The following CLIP2 variants were observed in gnomAD, a reference collection of about 807,000 sequenced individuals.
CLIP2 encodes the protein CAP-Gly domain containing linker protein 2.
Under a neutral mutation model 111.7 loss-of-function variants are expected in CLIP2, and 41 were observed. The observed-to-expected ratio is 0.37, with a 90% CI of 0.29 to 0.48. CLIP2 has a LOEUF of 0.48. Ranked by LOEUF, CLIP2 falls within the 20% of genes least tolerant of loss-of-function variation. The probability of loss-of-function intolerance (pLI) is 0.99; values close to 1 mark genes in which losing one functional copy is unlikely to be tolerated. For missense variants in CLIP2, 1,160 were observed against 1,422.1 expected, an observed-to-expected ratio of 0.82 and a Z score of 2.96; for synonymous variants, 660 against 644.2, an observed-to-expected ratio of 1.02 and a Z score of -0.37.
At chr7:74,390,773 C>T (rs1469909953) in intron 13 of CLIP2, among the ~76,000 whole-genome samples, 2 of 74,108 alleles carry the variant, frequency 2.7e-5, no homozygotes, top group African/African-American at 1.0e-4. Context: ...GGGGACTGGG[C>T]GGGGTGGCTT....
intron 3 of CLIP2, among the ~76,000 whole-genome samples, chr7:74,349,448 G>C (rs1381143213): frequency 7.4e-5 from 1 of 13,602 alleles, no homozygotes; most frequent in Non-Finnish European, 3.0e-4. Flanking sequence ...AAAAAAAAAA[G>C]TATGTATGTG....
chr7:74,344,126 C>T (rs1789739740), intron 3 of CLIP2, among the ~76,000 whole-genome samples: 1 of 152,102 alleles, frequency 6.6e-6, no homozygotes, highest in African/African-American at 2.4e-5. Flanking sequence ...TCCCGCCTGG[C>T]ATTCCCTCTG....
At chr7:74,303,611 T>C (rs2116464001) in intron 1 of CLIP2, among the ~76,000 whole-genome samples, 1 of 151,074 alleles carries the variant, frequency 6.6e-6, no homozygotes, top group African/African-American at 2.4e-5. Flanking sequence ...TTTTTTTTTT[T>C]TTTAGAAATA....
At chr7:74,383,687 C>T (rs906502241) in intron 11 of CLIP2, among the ~76,000 whole-genome samples, 9 of 152,146 alleles carry the variant, frequency 5.9e-5, no homozygotes, top group African/African-American at 1.9e-4. Context: ...CCAAAACATT[C>T]TCATGGGCTG....
At chr7:74,319,554 C>T (rs1788886321) in intron 2 of CLIP2, among the ~76,000 whole-genome samples, 1 of 152,162 alleles carries the variant, frequency 6.6e-6, no homozygotes, top group South Asian at 2.1e-4. Context: ...CATGGTGGCT[C>T]ACGCCTGTAA....
intron 13 of CLIP2, among the ~76,000 whole-genome samples, chr7:74,394,540 GCC>G (rs1791394686): frequency 6.6e-6 from 1 of 152,126 alleles, no homozygotes; most frequent in Non-Finnish European, 1.5e-5. Flanking sequence ...GTGGGCCACC[GCC>G]CCGGGCCCAG....
chr7:74,359,239 GATTA>G (rs1368921526), intron 6 of CLIP2, among the ~76,000 whole-genome samples: 2 of 151,052 alleles, frequency 1.3e-5, no homozygotes, highest in Non-Finnish European at 2.9e-5. Flanking sequence ...AGTGTACTGG[GATTA>G]CATGTGTGAG....
chr7:74,329,175 C>T (rs945438212), intron 2 of CLIP2, among the ~76,000 whole-genome samples: 1 of 150,922 alleles, frequency 6.6e-6, no homozygotes, highest in Non-Finnish European at 1.5e-5. Flanking sequence ...ATCCGCCCTC[C>T]TCGGCCTTCC....
intron 12 of CLIP2, 34 bp downstream of exon 12, chr7:74,386,638 G>T (rs1331512400): frequency 6.5e-7 from 1 of 1,541,184 alleles, no homozygotes; most frequent in Non-Finnish European, 8.8e-7. Context: ...GATGCGGGGG[G>T]CTTTCACTGG....
At position 74,376,752 on chromosome 7, in the gene CLIP2, G is replaced by T. The variant is rs199672192; in HGVS notation, c.2351G>T (p.Arg784Leu). ...AQGKQEVESL[R>L]EKLLVAENRL... ...GGCAAACAGGAGGTCGAGAGTTTGC[G>T]GGAGAAGCTCCTGGTGGCTGAGAAC... The change falls in exon 10 of 17, where the codon CGG (arginine) becomes CTG (leucine). Residue 784 changes from arginine to leucine, a missense_variant. By Grantham distance (102) the Arg-to-Leu change is moderately radical. Transcript: ENST00000223398. This position sits in a 1 kb window ranked among gnomAD's most constrained non-coding sequence, Gnocchi z 7.1. 1 of 1,612,128 alleles carries T rather than the reference G, an allele frequency of 6.2e-7. No individual in the cohort carries two copies.
At chr7:74,301,065 C>T (rs1165907318) in intron 1 of CLIP2, among the ~76,000 whole-genome samples, 1 of 152,178 alleles carries the variant, frequency 6.6e-6, no homozygotes, top group African/African-American at 2.4e-5. Context: ...ATACGCGTTC[C>T]CTTTCCTCCA....
chr7:74,372,942 AGCTGGAGCACGCGC>A lies in CLIP2; in HGVS notation c.1394_1407del (p.Leu465HisfsTer49). ...CCCTGGGTGGACCAGACCCAGACGCAGCTGGAGCACGCGCGCATTGGGGAGCTGGAACAGAGCCT... is the reference window on the plus strand; with the variant it reads ...CCCTGGGTGGACCAGACCCAGACGCAGCATTGGGGAGCTGGAACAGAGCCT... On this transcript the variant is annotated frameshift_variant, in exon 9 of 17. Transcript: ENST00000223398. LOFTEE classifies it high-confidence loss of function. 1 of 1,312,498 alleles carries A rather than the reference AGCTGGAGCACGCGC, an allele frequency of 7.6e-7. No individual in the cohort carries two copies. The highest frequency in any genetic ancestry group is 9.9e-7 in the Non-Finnish European group (1 of 1,010,350). The allele number at this position is 1,312,498 out of a possible 1,614,324, so 81.3% of individuals were successfully genotyped here.
At chr7:74,313,559 CAAA>C (rs781919019) in intron 1 of CLIP2, among the ~76,000 whole-genome samples, 2 of 121,698 alleles carry the variant, frequency 1.6e-5, no homozygotes, top group Non-Finnish European at 3.5e-5. Context: ...GACTCCATCT[CAAA>C]AAAAAAAAAA....
At chr7:74,337,949 A>G (rs1435084626) in intron 2 of CLIP2, among the ~76,000 whole-genome samples, 2 of 152,082 alleles carry the variant, frequency 1.3e-5, no homozygotes, top group Non-Finnish European at 2.9e-5. Context: ...GGAGGGCTGG[A>G]AGAGTAGGGG....
Position 74,404,074 on chromosome 7 carries a change from C to T in CLIP2, c.*226C>T, listed in dbSNP as rs2240436. 372,944 of 561,876 alleles carry T rather than the reference C, an allele frequency of 0.66. 124,100 individuals carry two copies. The highest frequency in any genetic ancestry group is 0.75 in the East Asian group (23,843 of 31,756). 34.8% of individuals were successfully genotyped at this position (561,876 alleles called of 1,614,324 possible). On this transcript the variant is annotated 3_prime_UTR_variant, in exon 17 of 17. Transcript: ENST00000223398. ...ACAGAGAGTGTGAACGGTACAGCCC[C>T]GGCCTGACCCGGGGACCTTCAGCCT...
intron 8 of CLIP2, chr7:74,364,842 C>T (rs1790430989): frequency 2.2e-6 from 1 of 454,388 alleles, no homozygotes; most frequent in Non-Finnish European, 4.4e-6. Flanking sequence ...GGCAACGTAG[C>T]AAGATCCCAT....
At chr7:74,355,046 G>A (rs1370441769) in intron 4 of CLIP2, among the ~76,000 whole-genome samples, 1 of 152,142 alleles carries the variant, frequency 6.6e-6, no homozygotes, top group Admixed American at 6.5e-5. Context: ...TGTCTGTCAC[G>A]GATGTGGACT....
intron 13 of CLIP2, among the ~76,000 whole-genome samples, chr7:74,396,791 G>A (rs1428875538): frequency 6.6e-6 from 1 of 152,144 alleles, no homozygotes; most frequent in Non-Finnish European, 1.5e-5. Context: ...GAAGTGCTGG[G>A]ATTACAGGCG....
At chr7:74,366,861 G>A (rs1790480170) in intron 8 of CLIP2, among the ~76,000 whole-genome samples, 1 of 131,708 alleles carries the variant, frequency 7.6e-6, no homozygotes, top group Non-Finnish European at 1.6e-5. Context: ...GGGCAGCAGA[G>A]TGAGACTCCT....
Sources: gnomAD v4.1 joint callset for allele counts (sites outside exome capture counted in the v4.1 genomes callset) on GRCh38, gnomAD v4.1.1 for gene constraint, Gnocchi (gnomAD v3.1) non-coding constraint, MANE v1.5 for transcripts, NCBI Gene and HGNC (gene_info 2026-07-23, HGNC 2026-07-21) for gene names.